The following HSD3B7 variants were observed in gnomAD, a reference collection of about 807,000 sequenced individuals.
HSD3B7 encodes hydroxy-delta-5-steroid dehydrogenase, 3 beta- and steroid delta-isomerase 7.
HSD3B7 carries 35 observed loss-of-function variants against 34.3 expected under a neutral mutation model. That is an observed-to-expected ratio of 1.02 (90% confidence interval 0.78 to 1.35). The LOEUF is 1.35. HSD3B7 is among the 40% of genes most tolerant of loss of function. The pLI is 0.00. For missense variants in HSD3B7, 426 were observed against 504.7 expected (o/e 0.84, Z 1.49); for synonymous variants, 217 against 220.1 (o/e 0.99, Z 0.13).
rs551850164 is a variant in HSD3B7 at position 30,989,072 on chromosome 16, A to T, written c.*889A>T. 43 of 152,354 alleles carry T rather than the reference A, an allele frequency of 2.8e-4. No individual in the cohort carries two copies. Among genetic ancestry groups the T allele is most frequent in the African/African-American group, 9.1e-4 (38 of 41,536 alleles). 9.4% of individuals were successfully genotyped at this position (152,354 alleles called of 1,614,324 possible). A position where few individuals can be genotyped will look rare whatever the true frequency, so the allele number is the denominator to read the frequency against. On this transcript the variant is annotated 3_prime_UTR_variant, in exon 7 of 7. Coordinates refer to ENST00000297679, the MANE Select transcript of HSD3B7 (RefSeq NM_025193.4). The stretch of plus-strand genomic sequence containing the variant: ...CTCTCTACCTAAGTTCCTTCCCAGC[A>T]CATCGCCAGCCCTGGGCCTGGGGAT...
rs778666860 is a variant in HSD3B7, at chr16:30,986,857, C to T, written c.549C>T (p.Pro183=). 1.9e-6 allele frequency: 3 copies of T among 1,613,978 alleles called. No individual in the cohort carries two copies. The highest frequency in any genetic ancestry group is 1.1e-5 in the South Asian group (1 of 91,078). Residue 183 remains proline (P), a synonymous_variant, in exon 6 of 7, where the codon CCC becomes CCT. Coordinates refer to ENST00000297679, the MANE Select transcript of HSD3B7 (RefSeq NM_025193.4). Reference sequence around the variant, plus strand: ...GCCACCAGGTCCGTGGGGGGCTGCCCCTGGTGACGTGTGCCCTTCGTCCCA... The same window carrying T: ...GCCACCAGGTCCGTGGGGGGCTGCCTCTGGTGACGTGTGCCCTTCGTCCCA... ...ANGRKVRGGL[P]LVTCALRPTG... is the part of the protein sequence containing the mutation.
Position 30,987,713 on chromosome 16 carries a change from TGTG to T in HSD3B7, c.695-51_695-49del. 2.5e-6 allele frequency: 4 copies of T among 1,591,528 alleles called. 1 individual carries two copies. Among genetic ancestry groups the T allele is most frequent in the Middle Eastern group, 3.5e-4 (2 of 5,748 alleles). On this transcript the variant is annotated intron_variant, in intron 6 of 6. Coordinates refer to ENST00000297679, the MANE Select transcript of HSD3B7 (RefSeq NM_025193.4). ...GGGTGGCCCAGGAGAGCAGCCTCGA[TGTG>T]GTGTTGCAAGGGCACTCAGGGGTGT...
chr16:30,988,269 C>A lies in HSD3B7; in HGVS notation c.*86C>A. 1 of 1,304,888 alleles carries A rather than the reference C, an allele frequency of 7.7e-7. No individual in the cohort carries two copies. The highest frequency in any genetic ancestry group is 1.1e-6 in the Non-Finnish European group (1 of 950,038). The allele number at this position is 1,304,888 out of a possible 1,614,324, so 80.8% of individuals were successfully genotyped here. A position where few individuals can be genotyped will look rare whatever the true frequency, so the allele number is the denominator to read the frequency against. On this transcript the variant is annotated 3_prime_UTR_variant, in exon 7 of 7. Transcript: ENST00000297679. ...CACCCTGGACGGGAAGGGACAGCTG[C>A]ATTCCAGAGCAGGAGGCAGGGCTCT...
chr16:30,988,084 G>A lies in HSD3B7; in HGVS notation c.1011G>A (p.Lys337=), dbSNP rs757433874. Residue 337 remains lysine, a synonymous_variant, in exon 7 of 7, where the codon AAG becomes AAA. Transcript: ENST00000297679. Reference sequence around the variant, plus strand: ...CCACCTTCACCGTCAGCACCGACAAGGCTCAGCGCCATTTCGGCTATGAGC... The same window carrying A: ...CCACCTTCACCGTCAGCACCGACAAAGCTCAGCGCCATTTCGGCTATGAGC... The part of the protein sequence containing the change: ...ANTTFTVSTD[K]AQRHFGYEPL... 1.2e-6 allele frequency: 2 copies of A among 1,606,170 alleles called. No homozygotes were observed. Among genetic ancestry groups the A allele is most frequent in the South Asian group, 2.2e-5 (2 of 91,056 alleles).
chr16:30,988,115 T>C lies in HSD3B7; in HGVS notation c.1042T>C (p.Phe348Leu). 6.2e-7 allele frequency: 1 copy of C among 1,606,578 alleles called. No homozygotes were observed. Among genetic ancestry groups the C allele is most frequent in the South Asian group, 1.1e-5 (1 of 91,018 alleles). The change falls in exon 7 of 7, where the codon TTC becomes CTC. Residue 348 changes from phenylalanine to leucine, a missense_variant. Physicochemically the swap from Phe to Leu is conservative, Grantham distance 22. Transcript: ENST00000297679. ...AQRHFGYEPL[F>L]SWEDSRTRTI... ...GCGCCATTTCGGCTATGAGCCCCTG[T>C]TCTCGTGGGAGGATAGCCGGACCCG...
chr16:30,987,785 C>T lies in HSD3B7; in HGVS notation c.712C>T (p.His238Tyr). ...RVYVGNVAWM[H>Y]VLAARELEQR... ...ACCGGCAGGCAATGTTGCCTGGATG[C>T]ACGTGCTGGCAGCCCGGGAGCTGGA... Residue 238 changes from histidine to tyrosine, a missense_variant, in exon 7 of 7, where the codon CAC (histidine) becomes TAC (tyrosine). By Grantham distance (83) the His-to-Tyr change is moderately conservative. Transcript: ENST00000297679. The T allele has an allele frequency of 3.7e-6, 6 of 1,612,694 alleles. No homozygotes were observed. The highest frequency in any genetic ancestry group is 5.1e-6 in the Non-Finnish European group (6 of 1,180,002).
intron 5 of HSD3B7, 39 bp downstream of exon 5, chr16:30,986,743 G>T: frequency 6.2e-7 from 1 of 1,609,620 alleles, no homozygotes; most frequent in Non-Finnish European, 8.5e-7. Flanking sequence ...TGGGGCTCCT[G>T]CCCTGCACAC....
At chr16:30,986,253 T>C in intron 3 of HSD3B7, 49 bp downstream of exon 3, 3 of 1,601,166 alleles carry the variant, frequency 1.9e-6, no homozygotes, top group Non-Finnish European at 2.6e-6. Context: ...TGTTCCCCAC[T>C]CTGTCTTTGG....
At chr16:30,987,132 G>A in intron 6 of HSD3B7, 130 bp downstream of exon 6, 1 of 918,244 alleles carries the variant, frequency 1.1e-6, no homozygotes, top group Non-Finnish European at 1.6e-6. Context: ...CTATACATGG[G>A]CCAAGGTAGA....
In HSD3B7 at chr16:30,986,688, A is replaced by C; in HGVS notation, c.515A>C (p.Glu172Ala). The change falls in exon 5 of 7, where the codon GAG becomes GCG. Residue 172 changes from glutamate (E) to alanine (A), a missense_variant. Glu to Ala is a moderately radical substitution (Grantham distance 107). Coordinates refer to ENST00000297679, the MANE Select transcript of HSD3B7 (RefSeq NM_025193.4). ...SKALAEWLVL[E>A]ANGRKVRGGL... ...GCCCTGGCCGAGTGGCTGGTCCTGGAGGCCAACGGGAGGAAGGTGAGCCCA... is the reference window on the plus strand; with the variant it reads ...GCCCTGGCCGAGTGGCTGGTCCTGGCGGCCAACGGGAGGAAGGTGAGCCCA... 3 of 1,614,034 alleles carry C rather than the reference A, an allele frequency of 1.9e-6. No individual in the cohort carries two copies. Among genetic ancestry groups the C allele is most frequent in the Non-Finnish European group, 2.5e-6 (3 of 1,179,992 alleles).
chr16:30,986,288 G>A (rs1051990247), intron 3 of HSD3B7, 84 bp downstream of exon 3: 10 of 1,571,626 alleles, frequency 6.4e-6, no homozygotes, highest in Non-Finnish European at 8.7e-6. Context: ...GACTCCCCTG[G>A]GACAAGTTGT....
chr16:30,985,824 G>T lies in HSD3B7; in HGVS notation c.166G>T (p.Gly56Trp). ...TCCCTGGCTGGAGGAGCTGAAGACA[G>T]GTTCTTGTTGGGGGAGCTTGTGGTG... Reference protein sequence around the residue: ...LGPWLEELKTGPVRVTAIQGD... With the variant: ...LGPWLEELKTWPVRVTAIQGD... The change falls in exon 2 of 7, where the codon GGG (glycine) becomes TGG (tryptophan). Residue 56 changes from glycine to tryptophan, a missense_variant and splice_region_variant. Coordinates refer to ENST00000297679, the MANE Select transcript of HSD3B7 (RefSeq NM_025193.4). 6.3e-7 allele frequency: 1 copy of T among 1,598,788 alleles called. No individual in the cohort carries two copies.
At chr16:30,987,589 C>T in intron 6 of HSD3B7, 179 bp from the exon 7 acceptor site, 3 of 694,948 alleles carry the variant, frequency 4.3e-6, no homozygotes, top group East Asian at 2.7e-5. Flanking sequence ...CAGATGCAGG[C>T]TGGCCCAGGA....
Position 30,988,163 on chromosome 16 carries a change from G to A in HSD3B7, c.1090G>A (p.Ala364Thr), listed in dbSNP as rs141997902. Residue 364 changes from alanine to threonine, a missense_variant, in exon 7 of 7, where the codon GCT becomes ACT. Ala to Thr is a moderately conservative substitution (Grantham distance 58, BLOSUM62 0). Transcript: ENST00000297679. ...RTRTILWVQA[A>T]TGSAQ The stretch of plus-strand genomic sequence containing the variant: ...CCGTACCATTCTCTGGGTACAGGCC[G>A]CTACGGGTTCAGCCCAGTGACGGTG... 9.0e-4 allele frequency: 1,437 copies of A among 1,602,460 alleles called. 1 individual carries two copies. The highest frequency in any genetic ancestry group is 1.1e-3 in the Non-Finnish European group (1,341 of 1,178,104).
At chr16:30,987,543 G>C in intron 6 of HSD3B7, 1 of 608,720 alleles carries the variant, frequency 1.6e-6, no homozygotes, top group African/African-American at 1.8e-5. Context: ...CCACCACGCA[G>C]GTCCTGGTTT....
chr16:30,985,577 A>G (rs2056457151), intron 1 of HSD3B7, 76 bp from the exon 2 acceptor site: 1 of 1,540,080 alleles, frequency 6.5e-7, no homozygotes. Flanking sequence ...TCACCGCTCC[A>G]GGGCACCTCC....
In HSD3B7 at chr16:30,986,090, G is replaced by T; in HGVS notation, c.208G>T (p.Ala70Ser). The change falls in exon 3 of 7, where the codon GCC becomes TCC. Residue 70 changes from alanine (A) to serine (S), a missense_variant. Physicochemically the swap from Ala to Ser is moderately conservative, Grantham distance 99 (BLOSUM62 1). Transcript: ENST00000297679. ...VTAIQGDVTQ[A>S]HEVAAAVAGA... ...TGCCATCCAGGGGGACGTGACCCAG[G>T]CCCATGAGGTGGCAGCAGCTGTGGC... 1 of 1,613,762 alleles carries T rather than the reference G, an allele frequency of 6.2e-7. No homozygotes were observed. The highest frequency in any genetic ancestry group is 8.5e-7 in the Non-Finnish European group (1 of 1,180,004).
In HSD3B7 at chr16:30,988,380, T is replaced by G. The variant is rs140059922; in HGVS notation, c.*197T>G. ...CAGGGTCTTGCTCTGTCACCCAGAC[T>G]GGAGTGCAGTGGTGTGATCATAGCT... On this transcript the variant is annotated 3_prime_UTR_variant, in exon 7 of 7. Transcript: ENST00000297679. 1,689 of 592,726 alleles carry G rather than the reference T, an allele frequency of 2.8e-3. 21 individuals are homozygous for G. The highest frequency in any genetic ancestry group is 0.028 in the African/African-American group (1,511 of 53,784). 36.7% of individuals were successfully genotyped at this position (592,726 alleles called of 1,614,324 possible).
chr16:30,985,670 T>A lies in HSD3B7; in HGVS notation c.12T>A (p.Ser4=). The stretch of plus-strand genomic sequence containing the variant: ...TTCCCCAGCCAGGCATGGCCGACTC[T>A]GCACAGGCCCAGAAGCTGGTGTACC... MAD[S]AQAQKLVYLV... Residue 4 remains serine (S), a synonymous_variant, in exon 2 of 7, where the codon TCT becomes TCA. Transcript: ENST00000297679. The A allele has an allele frequency of 6.2e-7, 1 of 1,606,130 alleles. No homozygotes were observed. Among genetic ancestry groups the A allele is most frequent in the Admixed American group, 1.7e-5 (1 of 59,706 alleles).
Sources: allele counts gnomAD v4.1 joint callset, GRCh38; gene constraint gnomAD v4.1.1; transcripts MANE v1.5; gene names NCBI Gene and HGNC (gene_info 2026-07-23, HGNC 2026-07-21).